Variants in CLASRP observed in about 807,000 individuals in gnomAD.
CLASRP encodes the protein CLK4 associating serine/arginine rich protein, also known as CLK4-associating serine/arginine rich protein.
CLASRP carries 52 observed loss-of-function variants against 99.9 expected under a neutral mutation model. The ratio of observed to expected loss-of-function variants is 0.52; its 90% CI spans 0.42 to 0.66. CLASRP has a LOEUF of 0.66. Among genes scored for constraint, CLASRP ranks in the 30% least tolerant of loss-of-function variants. CLASRP has a pLI of 0.00. For missense variants in CLASRP, 848 were observed against 999.2 expected (o/e 0.85, Z 2.04); for synonymous variants, 379 against 373.0 (o/e 1.02, Z -0.18).
intron 18 of CLASRP, chr19:45,069,574 C>G: frequency 1.9e-6 from 1 of 523,742 alleles, no homozygotes; most frequent in Non-Finnish European, 3.5e-6. Context: ...GGTCTTTCTC[C>G]TGTCCCAGCC....
At chr19:45,047,499 C>T (rs185764913) in intron 2 of CLASRP, 3 of 149,382 alleles carry the variant, frequency 2.0e-5, no homozygotes, top group Admixed American at 1.3e-4. Context: ...TGGAACGATA[C>T]GGGGATTAGC....
At chr19:45,063,549 A>G (rs139782757) in intron 11 of CLASRP, among the ~76,000 whole-genome samples, 32 of 145,830 alleles carry the variant, frequency 2.2e-4, no homozygotes, top group Non-Finnish European at 4.2e-4. Flanking sequence ...AGGTTCAAGC[A>G]GTTCTCGTGC....
Position 45,064,410 on chromosome 19 carries a change from C to T in CLASRP, c.1189C>T (p.Arg397Cys), listed in dbSNP as rs71352251. 3.3e-6 allele frequency: 5 copies of T among 1,528,920 alleles called. No individual in the cohort carries two copies. The highest frequency in any genetic ancestry group is 2.4e-5 in the South Asian group (2 of 83,854). 94.7% of individuals were successfully genotyped at this position (1,528,920 alleles called of 1,614,324 possible). ...GACCTCCAGCTCCCGCTCCAGCTCT[C>T]GCTCCAGCTCCCGCTCTCGCCGTGG... Reference protein sequence around the residue: ...SRTSSSRSSSRSSSRSRRGGG... With the variant: ...SRTSSSRSSSCSSSRSRRGGG... Residue 397 changes from arginine (R) to cysteine (C), a missense_variant, in exon 13 of 21, where the codon CGC (arginine) becomes TGC (cysteine). Physicochemically the swap from Arg to Cys is radical, Grantham distance 180. Transcript: ENST00000221455.
intron 2 of CLASRP, among the ~76,000 whole-genome samples, chr19:45,048,727 C>CCTG (rs1454022746): frequency 6.6e-6 from 1 of 151,950 alleles, no homozygotes; most frequent in Admixed American, 6.6e-5. Flanking sequence ...GTGGCTCATG[C>CCTG]CTGTAATCCC....
Position 45,067,352 on chromosome 19 carries a change from A to G in CLASRP, c.1425A>G (p.Ser475=). The change falls in exon 14 of 21, where the codon TCA becomes TCG. Residue 475 remains serine, a synonymous_variant. Coordinates refer to ENST00000221455, the MANE Select transcript of CLASRP (RefSeq NM_007056.3). This position sits in a 1 kb window ranked among gnomAD's most constrained non-coding sequence, Gnocchi z 4.9. ...GCATCCCCAGGAGCCGCTCCCACTC[A>G]GGGGACCGCTACAGGCGGGGCGGCC... ...PRRRSRSRSH[S]GDRYRRGGRG... is the part of the protein sequence containing the mutation. 6.6e-7 allele frequency: 1 copy of G among 1,520,576 alleles called. No individual in the cohort carries two copies. Among genetic ancestry groups the G allele is most frequent in the Non-Finnish European group, 8.8e-7 (1 of 1,138,714 alleles). The allele number at this position is 1,520,576 out of a possible 1,614,324, so 94.2% of individuals were successfully genotyped here. A position where few individuals can be genotyped will look rare whatever the true frequency, so the allele number is the denominator to read the frequency against.
chr19:45,048,441 G>A (rs531158593), intron 2 of CLASRP, among the ~76,000 whole-genome samples: 48 of 150,564 alleles, frequency 3.2e-4, no homozygotes, highest in African/African-American at 9.7e-4. Flanking sequence ...CAGGAGAATC[G>A]CTTGAACCTG....
Position 45,060,491 on chromosome 19 carries a change from G to A in CLASRP, c.789+24G>A. The A allele has an allele frequency of 6.2e-7, 1 of 1,613,894 alleles. No individual in the cohort carries two copies. Among genetic ancestry groups the A allele is most frequent in the South Asian group, 1.1e-5 (1 of 91,074 alleles). On this transcript the variant is annotated intron_variant, in intron 9 of 20. Transcript: ENST00000221455. This position sits in a 1 kb window ranked among gnomAD's most constrained non-coding sequence, Gnocchi z 4.6. ...CGGTGAGGTCTGGGCTGGAGTGGAA[G>A]GGGACAGGGGTGTGTCACAGGGAGG...
chr19:45,056,712 C>T (rs1047594699), intron 6 of CLASRP, among the ~76,000 whole-genome samples, 178 bp downstream of exon 6: 8 of 152,284 alleles, frequency 5.3e-5, no homozygotes, highest in Middle Eastern at 3.4e-3. Context: ...CAGGGGGCCC[C>T]GGCTTGCCGA....
intron 5 of CLASRP, among the ~76,000 whole-genome samples, chr19:45,053,774 CAGCCA>C (rs2122559805): frequency 6.6e-6 from 1 of 152,322 alleles, no homozygotes; most frequent in South Asian, 2.1e-4. Context: ...CCACCACGCC[CAGCCA>C]AGAATACGTT....
intron 2 of CLASRP, among the ~76,000 whole-genome samples, chr19:45,042,066 G>A (rs1308969125): frequency 1.3e-5 from 2 of 152,208 alleles, no homozygotes; most frequent in African/African-American, 4.8e-5. Context: ...ACATGGGCCT[G>A]GTGTGGTGGC....
In CLASRP at chr19:45,058,064, CT is replaced by C. The variant is rs925415326; in HGVS notation, c.613+167del. Reference sequence around the variant, plus strand: ...CTGCCCCTGTCTCACTCCTGTCCTCCTCCGTTCCGGCCTTCCTCTGCCTCAC... The same window carrying C: ...CTGCCCCTGTCTCACTCCTGTCCTCCCCGTTCCGGCCTTCCTCTGCCTCAC... On this transcript the variant is annotated intron_variant, in intron 7 of 20. Coordinates refer to ENST00000221455, the MANE Select transcript of CLASRP (RefSeq NM_007056.3). 1.7e-5 allele frequency: 13 copies of C among 786,024 alleles called. No homozygotes were observed. The Admixed American group carries it at 3.5e-4, about 21-fold the overall frequency. The allele number at this position is 786,024 out of a possible 1,614,324, so 48.7% of individuals were successfully genotyped here.
At position 45,069,085 on chromosome 19, in the gene CLASRP, G is replaced by A. The variant is rs752039609; in HGVS notation, c.1788G>A (p.Ala596=). Reference sequence around the variant, plus strand: ...CTACAGTCAAGGCGGATAAGAAGGCGGCACAAGAAAAGATGATCCAGCAGG... The same window carrying A: ...CTACAGTCAAGGCGGATAAGAAGGCAGCACAAGAAAAGATGATCCAGCAGG... ...LNRQFKADKK[A]AQEKMIQQEH... is the part of the protein sequence containing the mutation. The change falls in exon 17 of 21, where the codon GCG becomes GCA. Residue 596 remains alanine, a synonymous_variant. Transcript: ENST00000221455. 4.3e-6 allele frequency: 7 copies of A among 1,614,078 alleles called. No individual in the cohort carries two copies. The highest frequency in any genetic ancestry group is 3.3e-5 in the South Asian group (3 of 91,058).
intron 16 of CLASRP, 150 bp downstream of exon 16, chr19:45,068,630 A>T (rs1967154325): frequency 3.0e-6 from 2 of 669,914 alleles, no homozygotes; most frequent in Non-Finnish European, 5.5e-6. Flanking sequence ...ATGGGTTTGC[A>T]TCAGCTCCGC....
At chr19:45,047,838 T>A (rs1971950372) in intron 2 of CLASRP, among the ~76,000 whole-genome samples, 1 of 151,844 alleles carries the variant, frequency 6.6e-6, no homozygotes, top group South Asian at 2.1e-4. Context: ...AATCCCAGCA[T>A]TTTGGGTGGC....
intron 2 of CLASRP, 121 bp downstream of exon 2, chr19:45,040,432 T>C: frequency 6.2e-6 from 4 of 648,100 alleles, no homozygotes; most frequent in Non-Finnish European, 8.4e-6. Flanking sequence ...CTCAGGAGTA[T>C]ATTCATTAAT....
chr19:45,059,592 C>T (rs1384670412), intron 8 of CLASRP, among the ~76,000 whole-genome samples: 2 of 152,346 alleles, frequency 1.3e-5, no homozygotes, highest in East Asian at 1.9e-4. Flanking sequence ...CTTAGTGCGA[C>T]CTGGGGCGAA....
chr19:45,039,240 A>AC (rs1600088698), intron 1 of CLASRP, 132 bp downstream of exon 1: 1 of 148,144 alleles, frequency 6.8e-6, no homozygotes, highest in Non-Finnish European at 1.5e-5. Flanking sequence ...CTCGTCCCTC[A>AC]CCCCATTAGG....
chr19:45,045,562 C>T (rs981905773), intron 2 of CLASRP, among the ~76,000 whole-genome samples: 13 of 152,152 alleles, frequency 8.5e-5, no homozygotes, highest in African/African-American at 2.7e-4. Context: ...TTCCACTCCT[C>T]CCCTGCTGAC....
intron 7 of CLASRP, among the ~76,000 whole-genome samples, chr19:45,058,733 C>T (rs937769327): frequency 2.0e-5 from 3 of 152,048 alleles, no homozygotes; most frequent in Admixed American, 6.6e-5. Flanking sequence ...CATTGACCTC[C>T]GCCCAGCCCT....
Sources: allele counts gnomAD v4.1 joint callset (sites outside exome capture counted in the v4.1 genomes callset), GRCh38; gene constraint gnomAD v4.1.1; non-coding constraint Gnocchi (gnomAD v3.1); transcripts MANE v1.5; gene names NCBI Gene and HGNC (gene_info 2026-07-23, HGNC 2026-07-21).